Variants in FAT2 observed in about 807,000 individuals in gnomAD.
FAT2 encodes the protein FAT atypical cadherin 2, also known as protocadherin Fat 2.
A neutral mutation model predicts 295.3 loss-of-function variants in FAT2; 150 were observed. That is an observed-to-expected ratio of 0.51 (90% CI 0.44 to 0.58). The LOEUF is 0.58. FAT2 is among the 20% of genes least tolerant of loss of function. The pLI is 0.00. For missense variants in FAT2, 4,868 were observed against 5,442.7 expected, an observed-to-expected ratio of 0.89 and a Z score of 3.32; for synonymous variants, 2,026 against 2,150.3, an observed-to-expected ratio of 0.94 and a Z score of 1.60.
In FAT2 at chr5:151,544,450, G is replaced by A. The variant is rs140369077; in HGVS notation, c.6677C>T (p.Thr2226Ile). The A allele has an allele frequency of 6.2e-7, 1 of 1,614,170 alleles. No individual in the cohort carries two copies. The highest frequency in any genetic ancestry group is 8.5e-7 in the Non-Finnish European group (1 of 1,180,028). The change falls in exon 10 of 24, where the codon ACA (threonine) becomes ATA (isoleucine). Residue 2226 changes from threonine to isoleucine, a missense_variant. Thr to Ile is a moderately conservative substitution (Grantham distance 89). This residue lies in a region of FAT2 where 3,297 missense variants were observed against 3,669.4 expected (regional missense o/e 0.90). Transcript: ENST00000261800. Reference protein sequence around the residue: ...FTTDFKTGVLTVTGPLDYESK... With the variant: ...FTTDFKTGVLIVTGPLDYESK... Reference sequence around the variant, plus strand: ...CTCATAGTCCAAAGGCCCTGTTACTGTTAGGACACCAGTCTTGAAGTCAGT... The same window carrying A: ...CTCATAGTCCAAAGGCCCTGTTACTATTAGGACACCAGTCTTGAAGTCAGT...
At chr5:151,556,266 G>A in intron 4 of FAT2, 78 bp downstream of exon 4, 1 of 1,207,568 alleles carries the variant, frequency 8.3e-7, no homozygotes, top group Non-Finnish European at 1.2e-6. Context: ...CTCAGCCACA[G>A]TGCTAGACAT....
At chr5:151,580,626 G>A (rs1039205970) in intron 1 of FAT2, among the ~76,000 whole-genome samples, 7 of 152,180 alleles carry the variant, frequency 4.6e-5, no homozygotes, top group Admixed American at 1.3e-4. Context: ...TCTTTGTGAC[G>A]TTCCTTCTCT....
At chr5:151,522,783 G>C (rs1006296021) in intron 18 of FAT2, among the ~76,000 whole-genome samples, 4 of 152,160 alleles carry the variant, frequency 2.6e-5, no homozygotes, top group Non-Finnish European at 5.9e-5. Flanking sequence ...TAGGAATGAA[G>C]GCGGTGTGTT....
intron 10 of FAT2, 129 bp from the exon 11 acceptor site, chr5:151,540,892 A>ATAC: frequency 1.3e-6 from 1 of 773,110 alleles, no homozygotes; most frequent in Admixed American, 3.0e-5. Flanking sequence ...TTCCTTAACT[A>ATAC]GGAACCCACG....
At chr5:151,577,583 G>T (rs890352336) in intron 1 of FAT2, among the ~76,000 whole-genome samples, 1 of 152,162 alleles carries the variant, frequency 6.6e-6, no homozygotes. Context: ...TTAAAGGGGA[G>T]TCAGGGAAGT....
At chr5:151,539,582 T>A (rs187625102) in intron 11 of FAT2, among the ~76,000 whole-genome samples, 3 of 152,218 alleles carry the variant, frequency 2.0e-5, no homozygotes, top group Non-Finnish European at 2.9e-5. Flanking sequence ...CTGTGCATTT[T>A]TATATATATA....
intron 1 of FAT2, among the ~76,000 whole-genome samples, chr5:151,573,616 T>C (rs10074454): frequency 0.45 from 68,149 of 152,126 alleles, 15,491 homozygotes; most frequent in Non-Finnish European, 0.49. Context: ...ATCGCGCCAC[T>C]GCACTCCAGC....
intron 1 of FAT2, among the ~76,000 whole-genome samples, chr5:151,590,390 G>A (rs1401835158): frequency 1.3e-5 from 2 of 152,174 alleles, no homozygotes; most frequent in African/African-American, 4.8e-5. Flanking sequence ...GCACTGCACC[G>A]GCTCTGAGAA....
intron 9 of FAT2, among the ~76,000 whole-genome samples, chr5:151,548,241 C>A (rs749272862): frequency 6.6e-6 from 1 of 151,924 alleles, no homozygotes; most frequent in African/African-American, 2.4e-5. Flanking sequence ...GGGCAGACAG[C>A]AAATTATTTT....
In FAT2 at chr5:151,550,763, G is replaced by A. The variant is rs35884212; in HGVS notation, c.4405C>T (p.Arg1469Ter). The change falls in exon 8 of 24, where the codon CGA becomes TGA. Residue 1469 changes from arginine to a stop codon, truncating the protein, a stop_gained. Coordinates refer to ENST00000261800, the MANE Select transcript of FAT2 (RefSeq NM_001447.3). LOFTEE classifies it high-confidence loss of function. ...QDTVPGVELL[R>*]VQAIDQDKGK... ...TTGTCTTGATCTATGGCCTGGACTC[G>A]CAGGAGCTCTACCCCTGGCACGGTG... The A allele has an allele frequency of 8.1e-6, 13 of 1,613,930 alleles. No homozygotes were observed. The highest frequency in any genetic ancestry group is 2.7e-5 in the African/African-American group (2 of 74,882).
In FAT2 at chr5:151,540,747, GC is replaced by G. The variant is rs1756046018; in HGVS notation, c.8858del (p.Gly2953AlafsTer79). 1 of 1,613,822 alleles carries G rather than the reference GC, an allele frequency of 6.2e-7. No homozygotes were observed. On this transcript the variant is annotated frameshift_variant, in exon 11 of 24. Transcript: ENST00000261800. LOFTEE classifies it high-confidence loss of function. ...CTCCAACTTGGCTGATGCCAAACTG[GC>G]CCAGGGGGTCTCCCTCTAAACAGAT... is the stretch of plus-strand genomic sequence containing the variant. ...TCYITEGDPLGQFGISQVGDE... is the reference protein window; with the variant it reads ...TCYITEGDPLXQFGISQVGDE...
chr5:151,566,020 G>T lies in FAT2; in HGVS notation c.2912C>A (p.Thr971Asn). Residue 971 changes from threonine to asparagine, a missense_variant, in exon 2 of 24, where the codon ACC (threonine) becomes AAC (asparagine). Thr to Asn is a moderately conservative substitution (Grantham distance 65, BLOSUM62 0). Coordinates refer to ENST00000261800, the MANE Select transcript of FAT2 (RefSeq NM_001447.3). ...CCCTGTCATCAGGTCCACCCGGAAG[G>T]TCCCATGGGCGCCATCCATCAGAAC... Reference protein sequence around the residue: ...RYVLMDGAHGTFRVDLMTGAL... With the variant: ...RYVLMDGAHGNFRVDLMTGAL... 1 of 1,614,122 alleles carries T rather than the reference G, an allele frequency of 6.2e-7. No individual in the cohort carries two copies. Among genetic ancestry groups the T allele is most frequent in the South Asian group, 1.1e-5 (1 of 91,068 alleles).
At chr5:151,590,712 C>T (rs1229763274) in intron 1 of FAT2, among the ~76,000 whole-genome samples, 2 of 152,192 alleles carry the variant, frequency 1.3e-5, no homozygotes, top group East Asian at 1.9e-4. Flanking sequence ...TTCCTATGCC[C>T]ACCTGGACAC....
At chr5:151,535,485 G>A (rs893797527) in intron 12 of FAT2, among the ~76,000 whole-genome samples, 6 of 152,136 alleles carry the variant, frequency 3.9e-5, no homozygotes, top group African/African-American at 1.4e-4. Context: ...GCTGAACACA[G>A]GGCGGTTCCT....
chr5:151,507,771 C>A (rs1761013291), intron 22 of FAT2, among the ~76,000 whole-genome samples, 160 bp from the exon 23 acceptor site: 1 of 152,144 alleles, frequency 6.6e-6, no homozygotes, highest in East Asian at 1.9e-4. Context: ...AACATCAGAA[C>A]TTTCCACCTT....
intron 3 of FAT2, among the ~76,000 whole-genome samples, chr5:151,558,761 G>C (rs1030243695): frequency 6.6e-6 from 1 of 152,142 alleles, no homozygotes; most frequent in Non-Finnish European, 1.5e-5. Flanking sequence ...TGACAGGCTG[G>C]TGCAGATAAA....
intron 1 of FAT2, among the ~76,000 whole-genome samples, chr5:151,584,703 C>T (rs1019218336): frequency 1.3e-5 from 2 of 152,174 alleles, no homozygotes; most frequent in African/African-American, 4.8e-5. Context: ...TCATCTATCT[C>T]CATTTTACAA....
intron 1 of FAT2, among the ~76,000 whole-genome samples, chr5:151,584,072 A>G (rs905939442): frequency 2.0e-5 from 3 of 151,980 alleles, no homozygotes; most frequent in Non-Finnish European, 4.4e-5. Flanking sequence ...TTTAATTAAA[A>G]AAGAAGACAT....
At chr5:151,565,647 A>AGGCGC in intron 2 of FAT2, 26 bp downstream of exon 2, 1 of 1,461,024 alleles carries the variant, frequency 6.8e-7, no homozygotes, top group South Asian at 1.3e-5. Flanking sequence ...TGGCCCTGGC[A>AGGCGC]CCCCACCCTA....
Sources: gnomAD v4.1 joint callset for allele counts (sites outside exome capture counted in the v4.1 genomes callset) on GRCh38, gnomAD v4.1.1 for gene constraint, gnomAD v4.1.1 regional missense constraint, MANE v1.5 for transcripts, NCBI Gene and HGNC (gene_info 2026-07-23, HGNC 2026-07-21) for gene names.